Variants in KCNH5 observed in about 807,000 individuals in gnomAD.
The protein encoded by KCNH5 is potassium voltage-gated channel subfamily H member 5, also known as voltage-gated delayed rectifier potassium channel KCNH5.
Under a neutral mutation model 96.1 loss-of-function variants are expected in KCNH5, and 46 were observed. The ratio of observed to expected loss-of-function variants is 0.48; its 90% CI spans 0.38 to 0.61. KCNH5 has a LOEUF of 0.61. Ranked by LOEUF, KCNH5 falls within the 20% of genes least tolerant of loss-of-function variation. KCNH5 has a pLI of 0.00. For missense variants in KCNH5, 907 were observed against 1,225.8 expected (o/e 0.74, Z 3.88); for synonymous variants, 439 against 449.8 (o/e 0.98, Z 0.30).
chr14:63,006,919 C>A (rs1016894374), intron 2 of KCNH5, among the ~76,000 whole-genome samples: 3 of 152,154 alleles, frequency 2.0e-5, no homozygotes, highest in African/African-American at 7.2e-5. Flanking sequence ...CATATTGCCT[C>A]CTTTTCTCTC....
At chr14:62,749,068 T>C (rs997315791) in intron 10 of KCNH5, among the ~76,000 whole-genome samples, 1 of 152,168 alleles carries the variant, frequency 6.6e-6, no homozygotes, top group African/African-American at 2.4e-5. Flanking sequence ...CACTCGGCTT[T>C]GATCAAAGCA....
intron 2 of KCNH5, among the ~76,000 whole-genome samples, chr14:63,008,394 CAT>C (rs1313582089): frequency 6.6e-6 from 1 of 151,814 alleles, no homozygotes; most frequent in Non-Finnish European, 1.5e-5. Context: ...ACCTAAAAGG[CAT>C]AGTTTTTCAG....
chr14:62,898,590 T>C (rs1269671072), intron 7 of KCNH5, among the ~76,000 whole-genome samples: 1 of 152,036 alleles, frequency 6.6e-6, no homozygotes, highest in Non-Finnish European at 1.5e-5. Context: ...TTTAAAAAAA[T>C]ATAACTATGT....
chr14:62,869,514 C>T (rs532784052), intron 7 of KCNH5, among the ~76,000 whole-genome samples: 5 of 152,078 alleles, frequency 3.3e-5, no homozygotes, highest in South Asian at 2.1e-4. Flanking sequence ...TTTCTTTTGC[C>T]GTGCAGAAGC....
intron 10 of KCNH5, among the ~76,000 whole-genome samples, chr14:62,726,342 C>G (rs1884924941): frequency 1.3e-5 from 2 of 151,372 alleles, no homozygotes; most frequent in Admixed American, 1.3e-4. Flanking sequence ...TGACAGACAC[C>G]AAGAGGATAA....
chr14:62,818,115 G>GC (rs1326561998), intron 8 of KCNH5, among the ~76,000 whole-genome samples: 1 of 125,010 alleles, frequency 8.0e-6, no homozygotes, highest in Non-Finnish European at 1.7e-5. Flanking sequence ...GGGGCGGGGG[G>GC]GGGGTGGAAG....
At chr14:62,914,436 AT>A (rs1308097882) in intron 7 of KCNH5, among the ~76,000 whole-genome samples, 1 of 152,216 alleles carries the variant, frequency 6.6e-6, no homozygotes, top group Non-Finnish European at 1.5e-5. Flanking sequence ...GATACTTAAA[AT>A]AATGATCTTA....
intron 7 of KCNH5, among the ~76,000 whole-genome samples, chr14:62,909,030 G>GTTTTTTTT (rs1566703759): frequency 5.0e-5 from 5 of 100,782 alleles, no homozygotes; most frequent in African/African-American, 2.0e-4. Flanking sequence ...ACTATGCTAC[G>GTTTTTTTT]TATTTTTTTT....
chr14:62,751,084 T>C (rs1885489631), intron 10 of KCNH5, among the ~76,000 whole-genome samples: 1 of 152,118 alleles, frequency 6.6e-6, no homozygotes, highest in Non-Finnish European at 1.5e-5. Flanking sequence ...AAGTGTTATA[T>C]AAGGAGCATC....
intron 6 of KCNH5, among the ~76,000 whole-genome samples, chr14:62,977,877 T>G (rs10450889): frequency 0.23 from 35,266 of 152,074 alleles, 4,243 homozygotes; most frequent in Non-Finnish European, 0.26. Context: ...TACAATGCAG[T>G]TCTAACACCT....
intron 7 of KCNH5, among the ~76,000 whole-genome samples, chr14:62,905,843 G>A (rs1345738111): frequency 1.3e-5 from 2 of 152,152 alleles, no homozygotes; most frequent in African/African-American, 4.8e-5. Flanking sequence ...AAAGAGCAAC[G>A]TGTTCAGTAA....
At chr14:62,761,247 C>G (rs1449254908) in intron 10 of KCNH5, among the ~76,000 whole-genome samples, 6 of 151,742 alleles carry the variant, frequency 4.0e-5, no homozygotes, top group African/African-American at 1.2e-4. Context: ...CCCAGCTACT[C>G]TGGAGGCTGA....
At chr14:62,987,275 A>G in intron 4 of KCNH5, 88 bp from the exon 5 acceptor site, 1 of 868,348 alleles carries the variant, frequency 1.2e-6, no homozygotes, top group African/African-American at 1.7e-5. Flanking sequence ...GATCTCAGCA[A>G]CCACATAACA....
intron 10 of KCNH5, among the ~76,000 whole-genome samples, chr14:62,749,431 C>T (rs1415459589): frequency 6.6e-6 from 1 of 152,162 alleles, no homozygotes; most frequent in Admixed American, 6.5e-5. Flanking sequence ...TTGATAGGGT[C>T]ACCTCCATTT....
Position 62,700,779 on chromosome 14 carries a change from T to C in KCNH5, c.*6729A>G, listed in dbSNP as rs531089945. ...GCTTCATCAGGAATCTTTCCCGCTA[T>C]AATTTGGTTGAAAAAGTTGAGGAGC... On this transcript the variant is annotated 3_prime_UTR_variant, in exon 11 of 11. Coordinates refer to ENST00000322893, the MANE Select transcript of KCNH5 (RefSeq NM_139318.5). 2.2e-4 allele frequency: 34 copies of C among 152,318 alleles called. No homozygotes were observed. The highest frequency in any genetic ancestry group is 6.5e-4 in the African/African-American group (27 of 41,592). 9.4% of individuals were successfully genotyped at this position (152,318 alleles called of 1,614,324 possible). A position where few individuals can be genotyped will look rare whatever the true frequency, so the allele number is the denominator to read the frequency against.
At chr14:62,861,323 G>C (rs553717545) in intron 7 of KCNH5, among the ~76,000 whole-genome samples, 1 of 150,810 alleles carries the variant, frequency 6.6e-6, no homozygotes, top group Admixed American at 6.6e-5. Flanking sequence ...AGGCTGGAGT[G>C]CAGTGACGTA....
rs553227744 is a variant in KCNH5, at chr14:63,003,381, T to C, written c.305-1922A>G. On this transcript the variant is annotated intron_variant, in intron 3 of 10. Transcript: ENST00000322893. The stretch of plus-strand genomic sequence containing the variant: ...TGAATCTCGGTGCAGTGCTCCAGCA[T>C]TGATGACTTGGAGGAGCCTCGGCTA... Among the ~76,000 whole-genome samples, 37 of 146,470 alleles carry C rather than the reference T, an allele frequency of 2.5e-4. No homozygotes were observed. The South Asian group carries it at 4.9e-3, about 20-fold the overall frequency.
At chr14:62,892,512 G>T (rs534479434) in intron 7 of KCNH5, among the ~76,000 whole-genome samples, 51 of 152,326 alleles carry the variant, frequency 3.3e-4, no homozygotes, top group African/African-American at 1.2e-3. Context: ...AGATCATCTG[G>T]CCAAGATGCC....
chr14:62,930,364 G>A (rs17764573), intron 7 of KCNH5, among the ~76,000 whole-genome samples: 3,220 of 152,114 alleles, frequency 0.021, 52 homozygotes, highest in South Asian at 0.032. Context: ...AAAATTCCAC[G>A]TACCACAACA....
Sources: gnomAD v4.1 joint callset for allele counts (sites outside exome capture counted in the v4.1 genomes callset) on GRCh38, gnomAD v4.1.1 for gene constraint, MANE v1.5 for transcripts, NCBI Gene and HGNC (gene_info 2026-07-23, HGNC 2026-07-21) for gene names.